The following GCNT2 variants were observed in gnomAD, a reference collection of about 807,000 sequenced individuals.
GCNT2 encodes N-acetyllactosaminide beta-1,6-N-acetylglucosaminyl-transferase.
Under a neutral mutation model 34.2 loss-of-function variants are expected in GCNT2, and 34 were observed. The observed-to-expected ratio is 1.00, with a 90% confidence interval of 0.76 to 1.32. The LOEUF (loss-of-function observed/expected upper bound fraction) is 1.32, where lower values mean the gene tolerates loss of function less well. GCNT2 is among the 40% of genes most tolerant of loss of function. GCNT2 has a pLI of 0.00. For missense variants in GCNT2, 584 were observed against 489.4 expected (o/e 1.19, Z -1.82); for synonymous variants, 212 against 188.0 (o/e 1.13, Z -1.04).
At chr6:10,579,747 C>T (rs1386274667) in intron 3 of GCNT2, among the ~76,000 whole-genome samples, 2 of 140,284 alleles carry the variant, frequency 1.4e-5, no homozygotes, top group Non-Finnish European at 3.0e-5. Flanking sequence ...ACCCGGAAGG[C>T]GGAGGTTGCA....
At chr6:10,553,501 T>A (rs1346138585) in intron 3 of GCNT2, among the ~76,000 whole-genome samples, 3 of 152,234 alleles carry the variant, frequency 2.0e-5, no homozygotes, top group Non-Finnish European at 4.4e-5. Flanking sequence ...GATTATTATT[T>A]TTTTAATTCA....
At chr6:10,558,914 A>G (rs1257151453) in intron 3 of GCNT2, among the ~76,000 whole-genome samples, 2 of 152,186 alleles carry the variant, frequency 1.3e-5, no homozygotes, top group African/African-American at 4.8e-5. Context: ...GAGGAGCATT[A>G]GGTACTTAGG....
At position 10,556,639 on chromosome 6, in the gene GCNT2, C is replaced by T. The variant is rs2230906; in HGVS notation, c.925+26803C>T. 193,576 of 1,613,714 alleles carry T rather than the reference C, an allele frequency of 0.12. 12,931 individuals carry two copies. Among genetic ancestry groups the T allele is most frequent in the Non-Finnish European group, 0.13 (157,431 of 1,179,644 alleles). On this transcript the variant is annotated intron_variant, in intron 3 of 4. Transcript: ENST00000495262. ...TAATGATCCATGAGAAGTCTTCTTG[C>T]AAGGAATACTTGACCCAGAGCCACT...
intron 3 of GCNT2, among the ~76,000 whole-genome samples, chr6:10,560,346 C>T (rs1762920160): frequency 6.6e-6 from 1 of 152,164 alleles, no homozygotes; most frequent in Non-Finnish European, 1.5e-5. Context: ...CCACCTCGGC[C>T]TCCCAAAGTG....
intron 3 of GCNT2, among the ~76,000 whole-genome samples, chr6:10,559,400 G>T (rs1762870570): frequency 6.6e-6 from 1 of 152,202 alleles, no homozygotes; most frequent in Admixed American, 6.5e-5. Flanking sequence ...GCCATGGCAT[G>T]CTGGCTTCTG....
intron 3 of GCNT2, chr6:10,586,938 T>G (rs771774163): frequency 6.6e-7 from 1 of 1,514,698 alleles, no homozygotes; most frequent in Non-Finnish European, 9.2e-7. Context: ...TCCATTCTGA[T>G]TGATAGATTG....
intron 3 of GCNT2, among the ~76,000 whole-genome samples, chr6:10,588,428 G>A (rs1218069893): frequency 6.6e-6 from 1 of 152,164 alleles, no homozygotes; most frequent in East Asian, 1.9e-4. Context: ...TGAAAAACAT[G>A]AGGCTTAGAG....
rs759560144 is a variant in GCNT2 at position 10,557,275 on chromosome 6, G to C, written c.925+27439G>C. 1.1e-5 allele frequency: 17 copies of C among 1,612,854 alleles called. No homozygotes were observed. The South Asian group carries it at 1.9e-4, about 18-fold the overall frequency. ...TGCATGACCCACGGGCTGTTGATTT[G>C]CTCCAGTGGTCCAAGGACACTTTCA... On this transcript the variant is annotated intron_variant, in intron 3 of 4. Coordinates refer to ENST00000495262, the MANE Select transcript of GCNT2 (RefSeq NM_145649.5).
chr6:10,547,178 A>G (rs751367603), intron 3 of GCNT2, among the ~76,000 whole-genome samples: 1 of 152,082 alleles, frequency 6.6e-6, no homozygotes, highest in Non-Finnish European at 1.5e-5. Context: ...TTATTCATAT[A>G]TTTTTCTTAA....
rs534651442 is a variant in GCNT2 at position 10,537,815 on chromosome 6, G to A, written c.925+7979G>A. 2.3e-4 allele frequency among the ~76,000 whole-genome samples: 35 copies of A among 150,320 alleles called. 1 individual carries two copies. The highest frequency in any genetic ancestry group is 1.7e-3 in the South Asian group (8 of 4,782). On this transcript the variant is annotated intron_variant, in intron 3 of 4. Coordinates refer to ENST00000495262, the MANE Select transcript of GCNT2 (RefSeq NM_145649.5). ...GCCTAGCCTCCCTTAAACATGCTCA[G>A]AACACTTACATTGTTAGCCTACCGA...
At chr6:10,618,118 C>CA (rs1765873913) in intron 3 of GCNT2, among the ~76,000 whole-genome samples, 1 of 152,130 alleles carries the variant, frequency 6.6e-6, no homozygotes, top group Non-Finnish European at 1.5e-5. Context: ...GAGCCACACT[C>CA]AAAAAGCAAG....
At chr6:10,551,756 TTTTA>T (rs1276313847) in intron 3 of GCNT2, among the ~76,000 whole-genome samples, 3 of 151,304 alleles carry the variant, frequency 2.0e-5, no homozygotes, top group Admixed American at 1.3e-4. Flanking sequence ...TTTTTTTATT[TTTTA>T]TTTATTCATC....
intron 3 of GCNT2, among the ~76,000 whole-genome samples, chr6:10,617,248 C>T (rs1765812652): frequency 6.6e-6 from 1 of 152,158 alleles, no homozygotes; most frequent in Non-Finnish European, 1.5e-5. Context: ...AGCACAGCAG[C>T]TGCTGGCGCA....
intron 3 of GCNT2, among the ~76,000 whole-genome samples, chr6:10,604,045 G>A (rs1765205350): frequency 6.6e-6 from 1 of 151,814 alleles, no homozygotes; most frequent in Admixed American, 6.6e-5. Context: ...ACAGGCGCAC[G>A]CCACCACGCC....
At chr6:10,522,727 A>G (rs1760978515) in intron 1 of GCNT2, among the ~76,000 whole-genome samples, 1 of 152,196 alleles carries the variant, frequency 6.6e-6, no homozygotes, top group Non-Finnish European at 1.5e-5. Flanking sequence ...TGGTTCCTGT[A>G]ACTTCAAAAT....
intron 3 of GCNT2, among the ~76,000 whole-genome samples, chr6:10,536,344 C>T (rs968154916): frequency 6.6e-6 from 1 of 151,756 alleles, no homozygotes; most frequent in Admixed American, 6.6e-5. Flanking sequence ...CCAGAAATAT[C>T]GGTTTTTGTC....
intron 3 of GCNT2, among the ~76,000 whole-genome samples, chr6:10,577,345 T>A (rs1405923586): frequency 6.6e-6 from 1 of 152,102 alleles, no homozygotes; most frequent in East Asian, 1.9e-4. Flanking sequence ...GTGACTACAT[T>A]CCCTACCTTC....
At chr6:10,561,122 C>T (rs1762959722) in intron 3 of GCNT2, among the ~76,000 whole-genome samples, 1 of 152,110 alleles carries the variant, frequency 6.6e-6, no homozygotes, top group South Asian at 2.1e-4. Context: ...TAAGAAAAAC[C>T]CATGTGCTCT....
At chr6:10,538,133 C>T (rs115688458) in intron 3 of GCNT2, among the ~76,000 whole-genome samples, 2,253 of 151,962 alleles carry the variant, frequency 0.015, 52 homozygotes, top group African/African-American at 0.051. Context: ...TGAGGCCAGG[C>T]GCAGTGGCTC....
Sources: allele counts gnomAD v4.1 joint callset (sites outside exome capture counted in the v4.1 genomes callset), GRCh38; gene constraint gnomAD v4.1.1; transcripts MANE v1.5; gene names NCBI Gene and HGNC (gene_info 2026-07-23, HGNC 2026-07-21).